ABCA7: variants seen among roughly 807,000 people sequenced by gnomAD.
ABCA7 encodes the protein ATP binding cassette subfamily A member 7.
A neutral mutation model predicts 227.6 loss-of-function variants in ABCA7; 261 were observed. The ratio of observed to expected loss-of-function variants is 1.15; its 90% confidence interval spans 1.04 to 1.27. The LOEUF (loss-of-function observed/expected upper bound fraction) is 1.27. Among genes scored for constraint, ABCA7 ranks in the 50% most tolerant of loss-of-function variants. The pLI, the probability that ABCA7 is intolerant of heterozygous loss-of-function variation, is 0.00. For synonymous variants in ABCA7, 1,488 were observed against 1,279.7 expected (o/e 1.16, Z -3.47); for missense variants, 3,331 against 2,924.5 (o/e 1.14, Z -3.21).
chr19:1,053,289 GT>G, intron 23 of ABCA7, 39 bp from the exon 24 acceptor site: 1 of 1,579,202 alleles, frequency 6.3e-7, no homozygotes. Flanking sequence ...GGGGTGGGGC[GT>G]GAGCCGGGGC....
chr19:1,043,201 T>C lies in ABCA7; in HGVS notation c.740T>C (p.Met247Thr). ...SLNWYEASDL[M>T]ELVGQEPESA... ...AACTGGTACGAGGCTAGTGACCTGA[T>C]GGAGCTGGTGGGGCAGGAGCCAGAA... The change falls in exon 8 of 47, where the codon ATG (methionine) becomes ACG (threonine). Residue 247 changes from methionine to threonine, a missense_variant. Transcript: ENST00000263094. 1 of 1,608,922 alleles carries C rather than the reference T, an allele frequency of 6.2e-7. No homozygotes were observed. Among genetic ancestry groups the C allele is most frequent in the Non-Finnish European group, 8.5e-7 (1 of 1,176,694 alleles).
At chr19:1,061,750 T>A in intron 40 of ABCA7, 32 bp from the exon 41 acceptor site, 7 of 1,531,274 alleles carry the variant, frequency 4.6e-6, no homozygotes, top group Non-Finnish European at 6.3e-6. Context: ...GCCTGGGGCC[T>A]CACTGAGCAC....
At position 1,057,949 on chromosome 19, in the gene ABCA7, T is replaced by C; in HGVS notation, c.4915T>C (p.Phe1639Leu). 6.2e-7 allele frequency: 1 copy of C among 1,613,962 alleles called. No individual in the cohort carries two copies. The highest frequency in any genetic ancestry group is 1.1e-5 in the South Asian group (1 of 91,080). ...CACACCGCTCATGTACCCAGCCTCC[T>C]TCTTCTTCTCCGTGCCCAGCACAGC... ...SITPLMYPAS[F>L]FFSVPSTAYV... The change falls in exon 36 of 47, where the codon TTC (phenylalanine) becomes CTC (leucine). Residue 1639 changes from phenylalanine to leucine, a missense_variant. Physicochemically the swap from Phe to Leu is conservative, Grantham distance 22 (BLOSUM62 0). Coordinates refer to ENST00000263094, the MANE Select transcript of ABCA7 (RefSeq NM_019112.4).
At chr19:1,062,002 G>C (rs1458710065) in intron 41 of ABCA7, 114 bp downstream of exon 41, 1 of 1,422,188 alleles carries the variant, frequency 7.0e-7, no homozygotes, top group East Asian at 2.3e-5. Context: ...ACACCTGCAT[G>C]GTCTCTGAGA....
At position 1,043,241 on chromosome 19, in the gene ABCA7, C is replaced by G. The variant is rs749683431; in HGVS notation, c.780C>G (p.Asp260Glu). Residue 260 changes from aspartate (D) to glutamate (E), a missense_variant, in exon 8 of 47, where the codon GAC becomes GAG. Coordinates refer to ENST00000263094, the MANE Select transcript of ABCA7 (RefSeq NM_019112.4). ...VGQEPESALPDSSLSPACSEL... is the reference protein window; with the variant it reads ...VGQEPESALPESSLSPACSEL... The stretch of plus-strand genomic sequence containing the variant: ...AGGAGCCAGAATCCGCCCTGCCAGA[C>G]AGCAGCCTGAGTGAGTGACTGACCT... The G allele has an allele frequency of 5.0e-6, 8 of 1,607,236 alleles. No individual in the cohort carries two copies. In the Admixed American group the frequency reaches 6.7e-5, roughly 13 times the overall value.
intron 40 of ABCA7, among the ~76,000 whole-genome samples, chr19:1,059,978 G>C (rs1035086477): frequency 2.0e-5 from 3 of 152,076 alleles, no homozygotes; most frequent in Non-Finnish European, 4.4e-5. Context: ...GTCCATCAAC[G>C]TTTATCAAAT....
rs751369064 is a variant in ABCA7 at position 1,055,220 on chromosome 19, C to T, written c.4074C>T (p.Asp1358=). 6 of 1,607,644 alleles carry T rather than the reference C, an allele frequency of 3.7e-6. No individual in the cohort carries two copies. In the African/African-American group the frequency reaches 5.4e-5, roughly 14 times the overall value. ...CCGGTGCCCGGCGCCTGCTGCCCGA[C>T]TGCCCGGCTGCAGCTGGTGGTCCCC... ...SRPGARRLLP[D]CPAAAGGPPP... The change falls in exon 30 of 47, where the codon GAC becomes GAT. Residue 1358 remains aspartate, a synonymous_variant. Coordinates refer to ENST00000263094, the MANE Select transcript of ABCA7 (RefSeq NM_019112.4).
chr19:1,053,646 C>A (rs2041983241), intron 24 of ABCA7, 115 bp downstream of exon 24: 7 of 1,507,192 alleles, frequency 4.6e-6, no homozygotes, highest in South Asian at 3.7e-5. Context: ...AGGGAGGAGG[C>A]ATGGCACATG....
chr19:1,041,780 G>A (rs948732082), intron 3 of ABCA7, 51 bp from the exon 4 acceptor site: 3 of 1,597,080 alleles, frequency 1.9e-6, no homozygotes, highest in African/African-American at 1.3e-5. Flanking sequence ...CCCGATGGGG[G>A]TGGAGTCAGG....
At chr19:1,042,681 G>A (rs1568226591) in intron 6 of ABCA7, 65 bp from the exon 7 acceptor site, 4 of 1,517,452 alleles carry the variant, frequency 2.6e-6, no homozygotes, top group South Asian at 1.1e-5. Flanking sequence ...CTGGGAACTG[G>A]CCAGAGCGCT....
chr19:1,053,525 C>T lies in ABCA7; in HGVS notation c.3417C>T (p.Leu1139=), dbSNP rs3752241. The T allele has an allele frequency of 4.2e-5, 65 of 1,562,000 alleles. No homozygotes were observed. In the African/African-American group the frequency reaches 5.4e-4, roughly 13 times the overall value. The change falls in exon 24 of 47, where the codon CTC becomes CTT. Residue 1139 remains leucine (L), a synonymous_variant. Transcript: ENST00000263094. ...GCTACGGGATCTCCGACACCAGCCT[C>T]GAGGAGGTGTGAGGCCTGGGTGGTG... The part of the protein sequence containing the change: ...LTGYGISDTS[L]EEIFLKVVEE...
At position 1,046,784 on chromosome 19, in the gene ABCA7, C is replaced by T. The variant is rs1199641465; in HGVS notation, c.1623-18C>T. ...TGCGGAGGGTCTCCAGCCTCCACCC[C>T]AGCCGTCCCCACCCCAGGTTCCTGC... On this transcript the variant is annotated intron_variant, in intron 13 of 46. Coordinates refer to ENST00000263094, the MANE Select transcript of ABCA7 (RefSeq NM_019112.4). 4 of 1,534,170 alleles carry T rather than the reference C, an allele frequency of 2.6e-6. No homozygotes were observed. Among genetic ancestry groups the T allele is most frequent in the African/African-American group, 2.7e-5 (2 of 72,956 alleles).
rs762108583 is a variant in ABCA7, at chr19:1,045,195, T to C, written c.1409T>C (p.Ile470Thr). 1.6e-5 allele frequency: 25 copies of C among 1,612,502 alleles called. No homozygotes were observed. The highest frequency in any genetic ancestry group is 1.9e-5 in the Non-Finnish European group (22 of 1,179,946). ...GTGCGCATCAAAATCCGCATGGACA[T>C]TGACGTGGTCACGAGGACCAATAAG... ...GHVRIKIRMD[I>T]DVVTRTNKIR... Residue 470 changes from isoleucine (I) to threonine (T), a missense_variant, in exon 12 of 47, where the codon ATT becomes ACT. Physicochemically the swap from Ile to Thr is moderately conservative, Grantham distance 89. Transcript: ENST00000263094.
chr19:1,041,814 C>A lies in ABCA7; in HGVS notation c.161-17C>A, dbSNP rs764668443. On this transcript the variant is annotated splice_polypyrimidine_tract_variant and intron_variant, in intron 3 of 46. Coordinates refer to ENST00000263094, the MANE Select transcript of ABCA7 (RefSeq NM_019112.4). ...GGCAGAGTCCACAGGGCCTCAGCAC[C>A]AGGCGTCTCCCCGCAGGCCACTTCC... 6.2e-7 allele frequency: 1 copy of A among 1,600,756 alleles called. No individual in the cohort carries two copies. The highest frequency in any genetic ancestry group is 2.2e-5 in the East Asian group (1 of 44,568).
rs1455940103 is a variant in ABCA7, at chr19:1,057,004, G to A, written c.4684G>A (p.Val1562Ile). The part of the protein sequence containing the change: ...SFTLVLIEER[V>I]TRAKHLQLMG... ...CACTCTTGTCCTCATTGAGGAGCGAGTCACCCGAGCCAAGCACCTGCAGCT... is the reference window on the plus strand; with the variant it reads ...CACTCTTGTCCTCATTGAGGAGCGAATCACCCGAGCCAAGCACCTGCAGCT... The change falls in exon 34 of 47, where the codon GTC (valine) becomes ATC (isoleucine). Residue 1562 changes from valine (V) to isoleucine (I), a missense_variant. Val to Ile is a conservative substitution (Grantham distance 29, BLOSUM62 3). Coordinates refer to ENST00000263094, the MANE Select transcript of ABCA7 (RefSeq NM_019112.4). The A allele has an allele frequency of 2.5e-6, 4 of 1,613,910 alleles. No homozygotes were observed. In the East Asian group the frequency reaches 6.7e-5, roughly 27 times the overall value.
At chr19:1,042,597 C>T (rs1197918026) in intron 6 of ABCA7, 149 bp from the exon 7 acceptor site, 3 of 1,015,344 alleles carry the variant, frequency 3.0e-6, no homozygotes, top group Non-Finnish European at 4.6e-6. Flanking sequence ...TGTGAGATCT[C>T]CAATGAGTCC....
chr19:1,055,197 G>C lies in ABCA7; in HGVS notation c.4051G>C (p.Gly1351Arg). ...PSPACQCSRP[G>R]ARRLLPDCPA... The stretch of plus-strand genomic sequence containing the variant: ...CCCAGCCTGCCAGTGTAGCCGGCCC[G>C]GTGCCCGGCGCCTGCTGCCCGACTG... The change falls in exon 30 of 47, where the codon GGT (glycine) becomes CGT (arginine). Residue 1351 changes from glycine (G) to arginine (R), a missense_variant. By Grantham distance (125) the Gly-to-Arg change is moderately radical. Coordinates refer to ENST00000263094, the MANE Select transcript of ABCA7 (RefSeq NM_019112.4). The C allele has an allele frequency of 1.2e-6, 2 of 1,611,038 alleles. No individual in the cohort carries two copies. Among genetic ancestry groups the C allele is most frequent in the Non-Finnish European group, 1.7e-6 (2 of 1,179,076 alleles).
At chr19:1,064,305 T>A (rs1599734953) in intron 45 of ABCA7, 52 bp downstream of exon 45, 3 of 1,506,212 alleles carry the variant, frequency 2.0e-6, no homozygotes, top group Non-Finnish European at 2.7e-6. Flanking sequence ...GGCACGTAGG[T>A]AGGCTCAGGG....
In ABCA7 at chr19:1,064,599, T is replaced by A. The variant is rs946793112; in HGVS notation, c.6045-332T>A. On this transcript the variant is annotated intron_variant, in intron 45 of 46. Coordinates refer to ENST00000263094, the MANE Select transcript of ABCA7 (RefSeq NM_019112.4). ...GGGCCATAGGAAAGTGGGGCGGGGG[T>A]ATTTATTGTGTGGGCGGGGGTAGAG... 6 of 421,014 alleles carry A rather than the reference T, an allele frequency of 1.4e-5. No individual in the cohort carries two copies. The South Asian group carries it at 2.2e-4, about 16-fold the overall frequency. 26.1% of individuals were successfully genotyped at this position (421,014 alleles called of 1,614,324 possible).
Sources: gnomAD v4.1 joint callset for allele counts (sites outside exome capture counted in the v4.1 genomes callset) on GRCh38, gnomAD v4.1.1 for gene constraint, MANE v1.5 for transcripts, NCBI Gene and HGNC (gene_info 2026-07-23, HGNC 2026-07-21) for gene names.